LARP4: variants seen among roughly 807,000 people sequenced by gnomAD.
LARP4 encodes the protein la-related protein 4.
LARP4 carries 29 observed loss-of-function variants against 92.9 expected under a neutral mutation model. That is an observed-to-expected ratio of 0.31 (90% CI 0.23 to 0.43). The LOEUF (loss-of-function observed/expected upper bound fraction) is 0.43. Among genes scored for constraint, LARP4 ranks in the 20% least tolerant of loss-of-function variants. LARP4 has a pLI of 1.00. For synonymous variants in LARP4, 279 were observed against 284.1 expected, an observed-to-expected ratio of 0.98 and a Z score of 0.18; for missense variants, 732 against 860.0, an observed-to-expected ratio of 0.85 and a Z score of 1.86.
chr12:50,473,678 C>CTTG, intron 14 of LARP4, 142 bp downstream of exon 14: 1 of 727,052 alleles, frequency 1.4e-6, no homozygotes, highest in Non-Finnish European at 2.1e-6. Flanking sequence ...CCAGTCTGGC[C>CTTG]AACATGGTGA....
Position 50,430,488 on chromosome 12 carries a change from C to T in LARP4, c.323-7C>T, listed in dbSNP as rs1001704152. ...AACTTTTTTTCCCTCTTCTTTTCTACCATCAGGAGAAAGCAATTCAGCAGT... is the reference window on the plus strand; with the variant it reads ...AACTTTTTTTCCCTCTTCTTTTCTATCATCAGGAGAAAGCAATTCAGCAGT... On this transcript the variant is annotated splice_polypyrimidine_tract_variant and splice_region_variant and intron_variant, in intron 3 of 15. Transcript: ENST00000398473. The T allele has an allele frequency of 1.9e-6, 3 of 1,556,300 alleles. No homozygotes were observed. The highest frequency in any genetic ancestry group is 2.6e-6 in the Non-Finnish European group (3 of 1,135,832).
At chr12:50,449,988 C>CA (rs1952882670) in intron 8 of LARP4, among the ~76,000 whole-genome samples, 1 of 119,474 alleles carries the variant, frequency 8.4e-6, no homozygotes, top group Non-Finnish European at 1.6e-5. Context: ...GACTGGAGTG[C>CA]AGTGGCACGA....
chr12:50,450,740 ATCCACCT>A (rs1953044035), intron 8 of LARP4, among the ~76,000 whole-genome samples: 1 of 152,050 alleles, frequency 6.6e-6, no homozygotes, highest in Admixed American at 6.5e-5. Context: ...ACCTCAGGTG[ATCCACCT>A]GTCTTGGCCT....
intron 1 of LARP4, chr12:50,421,196 G>T: frequency 4.8e-6 from 3 of 630,034 alleles, no homozygotes; most frequent in Non-Finnish European, 5.9e-6. Flanking sequence ...TGATCTGCCC[G>T]CCTTGGCCTC....
At chr12:50,426,684 G>GGGTGT (rs774548049) in intron 1 of LARP4, among the ~76,000 whole-genome samples, 4 of 86,176 alleles carry the variant, frequency 4.6e-5, no homozygotes, top group African/African-American at 2.0e-4. Flanking sequence ...TTATGTTTGG[G>GGGTGT]GTGTGTGTGT....
intron 10 of LARP4, among the ~76,000 whole-genome samples, chr12:50,455,223 G>C (rs1025488440): frequency 1.3e-5 from 2 of 151,904 alleles, no homozygotes; most frequent in African/African-American, 2.4e-5. Context: ...GTTATGGCTT[G>C]TTGTTGTTGT....
At chr12:50,422,823 TTATTATTA>T (rs1948047676) in intron 1 of LARP4, among the ~76,000 whole-genome samples, 1 of 146,698 alleles carries the variant, frequency 6.8e-6, no homozygotes, top group Non-Finnish European at 1.5e-5. Context: ...ATTATTATTA[TTATTATTA>T]TTTTTGAGAC....
chr12:50,422,030 C>T (rs1947891154), intron 1 of LARP4, among the ~76,000 whole-genome samples: 1 of 149,528 alleles, frequency 6.7e-6, no homozygotes. Context: ...AGTGCAGTGG[C>T]GTGATCACTG....
chr12:50,407,232 G>C (rs1301087602), intron 1 of LARP4, among the ~76,000 whole-genome samples: 2 of 151,834 alleles, frequency 1.3e-5, no homozygotes, highest in Non-Finnish European at 2.9e-5. Flanking sequence ...CACCATATTG[G>C]TCAGGCTGGT....
At position 50,440,543 on chromosome 12, in the gene LARP4, A is replaced by G; in HGVS notation, c.744A>G (p.Ala248=). The change falls in exon 7 of 16, where the codon GCA becomes GCG. Residue 248 remains alanine (A), a synonymous_variant. Transcript: ENST00000398473. The part of the protein sequence containing the change: ...WYITFQSDTD[A]QQAFKYLREE... ...TCACTTTCCAGTCAGACACAGATGC[A>G]CAACAGGTAAGAAGAAAACATTTTC... 6.2e-7 allele frequency: 1 copy of G among 1,603,742 alleles called. No individual in the cohort carries two copies. The highest frequency in any genetic ancestry group is 8.5e-7 in the Non-Finnish European group (1 of 1,170,630).
At chr12:50,403,152 G>C (rs1323507736) in intron 1 of LARP4, among the ~76,000 whole-genome samples, 1 of 152,154 alleles carries the variant, frequency 6.6e-6, no homozygotes, top group Non-Finnish European at 1.5e-5. Context: ...CTGACTTCTA[G>C]AACATAAATT....
At chr12:50,458,408 G>A (rs542813751) in intron 10 of LARP4, among the ~76,000 whole-genome samples, 1 of 152,082 alleles carries the variant, frequency 6.6e-6, no homozygotes, top group African/African-American at 2.4e-5. Flanking sequence ...GGGATTACAG[G>A]TGTGAGCCAC....
chr12:50,436,220 G>T (rs1292625751), intron 5 of LARP4, among the ~76,000 whole-genome samples: 2 of 147,574 alleles, frequency 1.4e-5, no homozygotes, highest in African/African-American at 2.6e-5. Context: ...GTGTGTGGGG[G>T]TGTGTGTGTG....
chr12:50,465,085 G>C (rs2138835353), intron 12 of LARP4, among the ~76,000 whole-genome samples: 1 of 152,190 alleles, frequency 6.6e-6, no homozygotes, highest in East Asian at 1.9e-4. Flanking sequence ...CTGCATGGTG[G>C]CTCAGGCCAG....
At chr12:50,440,767 TTAACA>T (rs1388961615) in intron 7 of LARP4, among the ~76,000 whole-genome samples, 1 of 152,218 alleles carries the variant, frequency 6.6e-6, no homozygotes, top group Admixed American at 6.5e-5. Context: ...GATAAGAATA[TTAACA>T]TAACAGTTTT....
chr12:50,452,941 G>A (rs1953505994), intron 8 of LARP4, among the ~76,000 whole-genome samples: 1 of 151,490 alleles, frequency 6.6e-6, no homozygotes, highest in East Asian at 1.9e-4. Flanking sequence ...ACAGGGTCTC[G>A]CTCTGTTGCC....
intron 12 of LARP4, among the ~76,000 whole-genome samples, 190 bp from the exon 13 acceptor site, chr12:50,466,769 A>G (rs1452643978): frequency 2.0e-5 from 3 of 152,248 alleles, no homozygotes; most frequent in Admixed American, 6.5e-5. Context: ...ACTAAAGAAA[A>G]GTAGAATTGA....
At position 50,457,843 on chromosome 12, in the gene LARP4, G is replaced by A. The variant is rs372895486; in HGVS notation, c.1122-3292G>A. On this transcript the variant is annotated intron_variant, in intron 10 of 15. Coordinates refer to ENST00000398473, the MANE Select transcript of LARP4 (RefSeq NM_052879.5). ...AAAAAAAAATTACTTTTTGTTAAGT[G>A]ACATACTATTTTCATTGCTATTTAA... is the stretch of plus-strand genomic sequence containing the variant. Among the ~76,000 whole-genome samples, 30 of 149,646 alleles carry A rather than the reference G, an allele frequency of 2.0e-4. 2 individuals carry two copies. The South Asian group carries it at 6.3e-3, about 32-fold the overall frequency.
intron 1 of LARP4, among the ~76,000 whole-genome samples, chr12:50,424,442 ACT>A (rs1323139115): frequency 6.8e-6 from 1 of 147,380 alleles, no homozygotes; most frequent in Non-Finnish European, 1.5e-5. Flanking sequence ...CACCGCAACC[ACT>A]GTCTATGGGG....
Sources: allele counts gnomAD v4.1 joint callset (sites outside exome capture counted in the v4.1 genomes callset), GRCh38; gene constraint gnomAD v4.1.1; transcripts MANE v1.5; gene names NCBI Gene and HGNC (gene_info 2026-07-23, HGNC 2026-07-21).